Variants in ARHGEF1 observed in about 807,000 individuals in gnomAD.
ARHGEF1 encodes Rho guanine nucleotide exchange factor 1.
Under a neutral mutation model 119.7 loss-of-function variants are expected in ARHGEF1, and 40 were observed. That is an observed-to-expected ratio of 0.33 (90% CI 0.26 to 0.44). ARHGEF1 has a LOEUF of 0.44. Ranked by LOEUF, ARHGEF1 falls within the 20% of genes least tolerant of loss-of-function variation. The pLI is 1.00. For synonymous variants in ARHGEF1, 494 were observed against 521.0 expected, an observed-to-expected ratio of 0.95 and a Z score of 0.71; for missense variants, 976 against 1,268.3, an observed-to-expected ratio of 0.77 and a Z score of 3.50.
chr19:41,888,901 G>C lies in ARHGEF1; in HGVS notation c.225+36G>C. On this transcript the variant is annotated intron_variant, in intron 4 of 28. Transcript: ENST00000354532. The surrounding 1 kb of genome is among the most constrained non-coding windows in gnomAD (Gnocchi z 5.1). The stretch of plus-strand genomic sequence containing the variant: ...GGCTGGGTGGGCACAGGGAGGGGTG[G>C]GGCTGGGACAGGCACAGCTTTTAGC... 6.4e-7 allele frequency: 1 copy of C among 1,562,080 alleles called. No homozygotes were observed. Among genetic ancestry groups the C allele is most frequent in the Non-Finnish European group, 8.8e-7 (1 of 1,139,930 alleles).
In ARHGEF1 at chr19:41,917,803, A is replaced by T. The variant is rs536422644; in HGVS notation, c.1866-5289A>T. On this transcript the variant is annotated intron_variant, in intron 18 of 20. Coordinates refer to the ARHGEF1 transcript ENST00000599589. The surrounding 1 kb of genome is among the most constrained non-coding windows in gnomAD (Gnocchi z 4.8). ...GTGACACCCACTAGTAGGCACACAC[A>T]CACCATGCACAGCCCCAGCCATGGG... Among the ~76,000 whole-genome samples, 1 of 151,918 alleles carries T rather than the reference A, an allele frequency of 6.6e-6. No individual in the cohort carries two copies. Among genetic ancestry groups the T allele is most frequent in the East Asian group, 1.9e-4 (1 of 5,158 alleles).
intron 1 of ARHGEF1, chr19:41,928,481 CCTCCTGCTCCTCCTCCTCCTCGTT>C: frequency 6.4e-6 from 1 of 155,340 alleles, no homozygotes; most frequent in Non-Finnish European, 1.4e-5. Flanking sequence ...TCCTCCTCTT[CCTCCTGCTCCTCCTCCTCCTCGTT>C]CTCCTCCTCC....
rs782521762 is a variant in ARHGEF1, at chr19:41,904,401, A to G, written c.2161+18A>G. 5.8e-6 allele frequency: 9 copies of G among 1,546,040 alleles called. No individual in the cohort carries two copies. Among genetic ancestry groups the G allele is most frequent in the African/African-American group, 1.4e-5 (1 of 73,434 alleles). ...GGCCACCGGTGAGTGCAGCCACTGC[A>G]TGGCCCAGGGCAGAGGGTGTCTTTT... On this transcript the variant is annotated intron_variant, in intron 22 of 28. Transcript: ENST00000354532. The surrounding 1 kb of genome is among the most constrained non-coding windows in gnomAD (Gnocchi z 8.4).
rs782711567 is a variant in ARHGEF1, at chr19:41,896,523, T to C, written c.1121+41T>C. Reference sequence around the variant, plus strand: ...TGCAGGGGCGGGAGGTGTGGCTTACTGGGCGCTGGTGGGTGGGTGCAGGGT... The same window carrying C: ...TGCAGGGGCGGGAGGTGTGGCTTACCGGGCGCTGGTGGGTGGGTGCAGGGT... On this transcript the variant is annotated intron_variant, in intron 13 of 28. Transcript: ENST00000354532. 3.4e-6 allele frequency: 5 copies of C among 1,460,850 alleles called. No individual in the cohort carries two copies. In the African/African-American group the frequency reaches 7.1e-5, roughly 21 times the overall value. 90.5% of individuals were successfully genotyped at this position (1,460,850 alleles called of 1,614,324 possible). A position where few individuals can be genotyped will look rare whatever the true frequency, so the allele number is the denominator to read the frequency against.
intron 1 of ARHGEF1, among the ~76,000 whole-genome samples, chr19:41,886,981 G>C (rs2074303005): frequency 6.6e-6 from 1 of 152,194 alleles, no homozygotes; most frequent in Non-Finnish European, 1.5e-5. Flanking sequence ...GAGAGAAGTG[G>C]AGACTCAAGG....
At position 41,901,774 on chromosome 19, in the gene ARHGEF1, A is replaced by G. The variant is rs537806830; in HGVS notation, c.1268-113A>G. On this transcript the variant is annotated intron_variant, in intron 14 of 28. Coordinates refer to ENST00000354532, the MANE Select transcript of ARHGEF1 (RefSeq NM_004706.4). ...AGCCAGAGAGAGTTTTTTCCCACCA[A>G]CTTCTAGGAAGCTTTCCTCCCTGCT... 1.0e-5 allele frequency: 14 copies of G among 1,346,866 alleles called. No homozygotes were observed. The South Asian group carries it at 1.8e-4, about 17-fold the overall frequency. The allele number at this position is 1,346,866 out of a possible 1,614,324, so 83.4% of individuals were successfully genotyped here.
chr19:41,905,588 A>C lies in ARHGEF1; in HGVS notation c.2337-172A>C. ...ACTGCCCCGTCTGTCTCCTGTCTCC[A>C]GGCCTCTGTGTCTTCCATTGTCTGG... is the stretch of plus-strand genomic sequence containing the variant. On this transcript the variant is annotated intron_variant, in intron 24 of 28. Transcript: ENST00000354532. This position sits in a 1 kb window ranked among gnomAD's most constrained non-coding sequence, Gnocchi z 6.4. The C allele has an allele frequency of 1.5e-6, 1 of 677,730 alleles. No homozygotes were observed. The highest frequency in any genetic ancestry group is 2.5e-6 in the Non-Finnish European group (1 of 403,570). 42.0% of individuals were successfully genotyped at this position (677,730 alleles called of 1,614,324 possible).
chr19:41,898,721 C>T, intron 14 of ARHGEF1, 134 bp downstream of exon 14: 2 of 1,172,866 alleles, frequency 1.7e-6, no homozygotes, highest in South Asian at 1.6e-5. Flanking sequence ...CTTCAAATTC[C>T]CTCTTGTTCC....
In ARHGEF1 at chr19:41,902,725, C is replaced by T; in HGVS notation, c.1624-59C>T. ...CCTGGAGACCCAGACTCCTAGGTGC[C>T]TGCGCCCTGGGGTGAGCCCAAAGCC... On this transcript the variant is annotated intron_variant, in intron 17 of 28. Transcript: ENST00000354532. The surrounding 1 kb of genome is among the most constrained non-coding windows in gnomAD (Gnocchi z 6.5). 6.2e-7 allele frequency: 1 copy of T among 1,613,398 alleles called. No individual in the cohort carries two copies. Among genetic ancestry groups the T allele is most frequent in the Non-Finnish European group, 8.5e-7 (1 of 1,179,692 alleles).
Position 41,898,525 on chromosome 19 carries a change from T to C in ARHGEF1, c.1205T>C (p.Val402Ala). Residue 402 changes from valine to alanine, a missense_variant, in exon 14 of 29, where the codon GTC (valine) becomes GCC (alanine). This residue lies in a region of ARHGEF1 where 519 missense variants were observed against 580.9 expected (regional missense o/e 0.89). Coordinates refer to ENST00000354532, the MANE Select transcript of ARHGEF1 (RefSeq NM_004706.4). ...PEEPPGWRELVPPDTLHSLPK... is the reference protein window; with the variant it reads ...PEEPPGWRELAPPDTLHSLPK... ...GAGCCTCCCGGCTGGCGGGAACTCG[T>C]CCCCCCAGACACCCTGCACAGCCTG... 6.4e-7 allele frequency: 1 copy of C among 1,563,164 alleles called. No individual in the cohort carries two copies.
chr19:41,905,148 G>A lies in ARHGEF1; in HGVS notation c.2250-27G>A, dbSNP rs1402257120. On this transcript the variant is annotated intron_variant, in intron 23 of 28. Coordinates refer to ENST00000354532, the MANE Select transcript of ARHGEF1 (RefSeq NM_004706.4). The surrounding 1 kb of genome is among the most constrained non-coding windows in gnomAD (Gnocchi z 6.4). ...GGCATAGGGTCTGGGGGCTCTGACTGCCCAGGGATTTGGCCTTTCTCCCCA... is the reference window on the plus strand; with the variant it reads ...GGCATAGGGTCTGGGGGCTCTGACTACCCAGGGATTTGGCCTTTCTCCCCA... The A allele has an allele frequency of 1.2e-6, 2 of 1,613,428 alleles. No homozygotes were observed. Among genetic ancestry groups the A allele is most frequent in the Non-Finnish European group, 8.5e-7 (1 of 1,179,482 alleles).
rs541125162 is a variant in ARHGEF1, at chr19:41,905,223, C to T, written c.2298C>T (p.Ala766=). 6.2e-7 allele frequency: 1 copy of T among 1,614,002 alleles called. No individual in the cohort carries two copies. The highest frequency in any genetic ancestry group is 1.1e-5 in the South Asian group (1 of 91,086). The change falls in exon 24 of 29, where the codon GCC becomes GCT. Residue 766 remains alanine, a synonymous_variant. Coordinates refer to ENST00000354532, the MANE Select transcript of ARHGEF1 (RefSeq NM_004706.4). The surrounding 1 kb of genome is among the most constrained non-coding windows in gnomAD (Gnocchi z 6.4). ...CTGCCGGATCCCTGAAAGTCCCTGCCCCTGCCTCTCGCCCTAAGCCCCGGC... is the reference window on the plus strand; with the variant it reads ...CTGCCGGATCCCTGAAAGTCCCTGCTCCTGCCTCTCGCCCTAAGCCCCGGC... ...TETAGSLKVP[A]PASRPKPRPS... is the part of the protein sequence containing the mutation.
At chr19:41,926,347 T>A (rs2074870297) in intron 1 of ARHGEF1, among the ~76,000 whole-genome samples, 1 of 152,032 alleles carries the variant, frequency 6.6e-6, no homozygotes, top group Admixed American at 6.5e-5. Flanking sequence ...AGGACAGGTG[T>A]TGCGTGCAGG....
In ARHGEF1 at chr19:41,888,291, T is replaced by TAGGGTGGA; in HGVS notation, c.111+15_111+22dup. 1 of 1,613,012 alleles carries TAGGGTGGA rather than the reference T, an allele frequency of 6.2e-7. No homozygotes were observed. The highest frequency in any genetic ancestry group is 8.5e-7 in the Non-Finnish European group (1 of 1,179,682). ...CGAGCTGGAGACAGTGAGTGGGAGATAGGGTGGAAAAGCTCTGTCCCAGGC... is the reference window on the plus strand; with the variant it reads ...CGAGCTGGAGACAGTGAGTGGGAGATAGGGTGGAAGGGTGGAAAAGCTCTGTCCCAGGC... On this transcript the variant is annotated intron_variant, in intron 3 of 28. Transcript: ENST00000354532. The surrounding 1 kb of genome is among the most constrained non-coding windows in gnomAD (Gnocchi z 5.1).
At chr19:41,895,256 A>G in intron 11 of ARHGEF1, 93 bp from the exon 12 acceptor site, 1 of 1,467,230 alleles carries the variant, frequency 6.8e-7, no homozygotes, top group Non-Finnish European at 9.2e-7. Flanking sequence ...ATGGTGGGGA[A>G]GGGCCTGAGC....
In ARHGEF1 at chr19:41,905,473, CGTGT is replaced by C. The variant is rs1188107454; in HGVS notation, c.2336+213_2336+216del. ...GCATGTGTGCGTGTGCATGTGTGTG[CGTGT>C]ATGGTGTGTGTGTATGCATATGTGT... On this transcript the variant is annotated intron_variant, in intron 24 of 28. Transcript: ENST00000354532. The surrounding 1 kb of genome is among the most constrained non-coding windows in gnomAD (Gnocchi z 6.4). 3 of 613,938 alleles carry C rather than the reference CGTGT, an allele frequency of 4.9e-6. No individual in the cohort carries two copies. The highest frequency in any genetic ancestry group is 8.6e-6 in the Non-Finnish European group (3 of 349,460). The allele number at this position is 613,938 out of a possible 1,614,324, so 38.0% of individuals were successfully genotyped here.
chr19:41,888,973 C>G lies in ARHGEF1; in HGVS notation c.225+108C>G. The G allele has an allele frequency of 1.1e-6, 1 of 901,918 alleles. No individual in the cohort carries two copies. Among genetic ancestry groups the G allele is most frequent in the South Asian group, 1.7e-5 (1 of 59,786 alleles). 55.9% of individuals were successfully genotyped at this position (901,918 alleles called of 1,614,324 possible). A position where few individuals can be genotyped will look rare whatever the true frequency, so the allele number is the denominator to read the frequency against. ...GCCTGGAGGGTCTGGAAAAGCAGAT[C>G]TAGAACACAGAGAGCCAGATCTAGA... On this transcript the variant is annotated intron_variant, in intron 4 of 28. Coordinates refer to ENST00000354532, the MANE Select transcript of ARHGEF1 (RefSeq NM_004706.4). This position sits in a 1 kb window ranked among gnomAD's most constrained non-coding sequence, Gnocchi z 5.1.
Position 41,907,156 on chromosome 19 carries a change from C to G in ARHGEF1, c.*69C>G, listed in dbSNP as rs1403129171. ...GGGAGAGGACGTGAGGGACCACCCC[C>G]ACCCACACAGCTGCCGCAGCATCTC... On this transcript the variant is annotated 3_prime_UTR_variant, in exon 29 of 29. Transcript: ENST00000354532. 6.5e-7 allele frequency: 1 copy of G among 1,531,836 alleles called. No individual in the cohort carries two copies. The highest frequency in any genetic ancestry group is 8.7e-7 in the Non-Finnish European group (1 of 1,144,974). The allele number at this position is 1,531,836 out of a possible 1,614,324, so 94.9% of individuals were successfully genotyped here. A position where few individuals can be genotyped will look rare whatever the true frequency, so the allele number is the denominator to read the frequency against.
rs782575698 is a variant in ARHGEF1 at position 41,904,089 on chromosome 19, G to C, written c.1972G>C (p.Val658Leu). ...CCACGAGGGCCCACTGACGTGGCGG[G>C]TGACTAAGGACAAGGCAGTGGGTGA... is the stretch of plus-strand genomic sequence containing the variant. The part of the protein sequence containing the change: ...LVHEGPLTWR[V>L]TKDKAVEVHV... Residue 658 changes from valine to leucine, a missense_variant, in exon 21 of 29, where the codon GTG (valine) becomes CTG (leucine). Coordinates refer to ENST00000354532, the MANE Select transcript of ARHGEF1 (RefSeq NM_004706.4). This position sits in a 1 kb window ranked among gnomAD's most constrained non-coding sequence, Gnocchi z 8.4. 1.2e-6 allele frequency: 2 copies of C among 1,614,198 alleles called. No homozygotes were observed. The highest frequency in any genetic ancestry group is 1.7e-6 in the Non-Finnish European group (2 of 1,180,032).
Sources: allele counts gnomAD v4.1 joint callset (sites outside exome capture counted in the v4.1 genomes callset), GRCh38; gene constraint gnomAD v4.1.1; regional missense constraint gnomAD v4.1.1; non-coding constraint Gnocchi (gnomAD v3.1); transcripts MANE v1.5; gene names NCBI Gene and HGNC (gene_info 2026-07-23, HGNC 2026-07-21).